The following SGCD variants were observed in gnomAD, a reference collection of about 807,000 sequenced individuals.
The protein encoded by SGCD is sarcoglycan delta, also known as delta-sarcoglycan.
In SGCD, 18 loss-of-function variants were observed where a neutral mutation model predicts 36.6. The ratio of observed to expected loss-of-function variants is 0.49; its 90% CI spans 0.34 to 0.73. The LOEUF is 0.73. Among genes scored for constraint, SGCD ranks in the 30% least tolerant of loss-of-function variants. The pLI is 0.01. For missense variants in SGCD, 387 were observed against 346.7 expected (o/e 1.12, Z -0.92); for synonymous variants, 133 against 130.6 (o/e 1.02, Z -0.12).
chr5:156,291,659 A>G (rs975053439), intron 3 of SGCD, among the ~76,000 whole-genome samples: 6 of 152,038 alleles, frequency 3.9e-5, no homozygotes, highest in Non-Finnish European at 8.8e-5. Context: ...GGGAAGGGAG[A>G]AACTAGCTAT....
intron 4 of SGCD, among the ~76,000 whole-genome samples, chr5:156,531,050 G>A (rs194145): frequency 0.12 from 18,657 of 152,176 alleles, 1,313 homozygotes; most frequent in Admixed American, 0.17. Flanking sequence ...ATTAAGAGGC[G>A]GGGCCTTTAG....
chr5:156,228,818 T>A (rs1343252558), intron 3 of SGCD, among the ~76,000 whole-genome samples: 1 of 152,130 alleles, frequency 6.6e-6, no homozygotes, highest in Non-Finnish European at 1.5e-5. Context: ...GATTTAGAGC[T>A]CCTTTTAGCC....
chr5:155,750,400 A>G, the SGCD span, among the ~76,000 whole-genome samples: 1 of 152,232 alleles, frequency 6.6e-6, no homozygotes, highest in Admixed American at 6.5e-5. Context: ...AACAGAGACC[A>G]GAGCCTGCAT....
intron 2 of SGCD, among the ~76,000 whole-genome samples, chr5:156,332,088 T>C (rs2127704428): frequency 6.6e-6 from 1 of 152,322 alleles, no homozygotes; most frequent in South Asian, 2.1e-4. Context: ...TAGGCCAGTG[T>C]CTGGACAGCA....
At chr5:156,728,261 C>A (rs1054369531) in intron 7 of SGCD, among the ~76,000 whole-genome samples, 1 of 151,994 alleles carries the variant, frequency 6.6e-6, no homozygotes, top group Non-Finnish European at 1.5e-5. Context: ...AGTAATGGTA[C>A]CTTCTTCCTC....
chr5:155,828,330 T>C, the SGCD span, among the ~76,000 whole-genome samples: 67 of 152,304 alleles, frequency 4.4e-4, no homozygotes, highest in Non-Finnish European at 8.5e-4. Flanking sequence ...AGCCAGAATT[T>C]AAACCCAGAG....
In SGCD at chr5:156,487,807, A is replaced by AAAAAAAAAAAAAAG. The variant is rs1561728598; in HGVS notation, c.193-20785_193-20784insAAAAGAAAAAAAAA. Among the ~76,000 whole-genome samples, 8 of 49,384 alleles carry AAAAAAAAAAAAAAG rather than the reference A, an allele frequency of 1.6e-4. 1 individual carries two copies. The highest frequency in any genetic ancestry group is 1.6e-4 in the Non-Finnish European group (3 of 19,282). The allele number at this position is 49,384 out of a possible 152,430, so 32.4% of individuals were successfully genotyped here. On this transcript the variant is annotated intron_variant, in intron 3 of 8. Transcript: ENST00000337851. ...TGTCACCAAAAAAAAAAAAAAAAAAAAAAAAAAAAGAAAGAAAGAAAAAGC... is the reference window on the plus strand; with the variant it reads ...TGTCACCAAAAAAAAAAAAAAAAAAAAAAAAAAAAAAAAGAAAAAAAAAGAAAGAAAGAAAAAGC...
intron 3 of SGCD, among the ~76,000 whole-genome samples, chr5:156,276,184 G>A (rs576409839): frequency 2.0e-5 from 3 of 152,080 alleles, no homozygotes; most frequent in Non-Finnish European, 4.4e-5. Context: ...AACACTAGGT[G>A]CATGGCAATT....
chr5:156,442,044 C>T (rs1753515308), intron 3 of SGCD, among the ~76,000 whole-genome samples: 1 of 152,120 alleles, frequency 6.6e-6, no homozygotes, highest in Non-Finnish European at 1.5e-5. Flanking sequence ...ACTTTGGCCT[C>T]AAATAATGGT....
chr5:156,420,646 G>A (rs1003676773), intron 3 of SGCD, among the ~76,000 whole-genome samples: 4 of 152,082 alleles, frequency 2.6e-5, no homozygotes, highest in Non-Finnish European at 4.4e-5. Flanking sequence ...GGGTGACCGT[G>A]CTCAGGTTTT....
chr5:156,633,595 G>T (rs924196158), intron 6 of SGCD, among the ~76,000 whole-genome samples: 5 of 152,154 alleles, frequency 3.3e-5, no homozygotes, highest in Non-Finnish European at 5.9e-5. Context: ...TACTAGGGTT[G>T]CAGTGAGCAT....
intron 3 of SGCD, among the ~76,000 whole-genome samples, chr5:156,425,291 C>T (rs976225253): frequency 1.3e-5 from 2 of 152,006 alleles, no homozygotes; most frequent in South Asian, 2.1e-4. Context: ...TCAGGATGTA[C>T]CCCTAAGCTT....
At chr5:156,357,882 A>G (rs2127727817) in intron 3 of SGCD, among the ~76,000 whole-genome samples, 1 of 152,280 alleles carries the variant, frequency 6.6e-6, no homozygotes, top group South Asian at 2.1e-4. Flanking sequence ...CAACCCCCCA[A>G]CTTTAGAATA....
intron 1 of SGCD, among the ~76,000 whole-genome samples, chr5:156,094,711 C>G (rs927285166): frequency 6.6e-6 from 1 of 152,082 alleles, no homozygotes; most frequent in Non-Finnish European, 1.5e-5. Context: ...AGATAGAAAT[C>G]TTGTTGCTTG....
chr5:155,745,626 A>G, the SGCD span, among the ~76,000 whole-genome samples: 1 of 151,944 alleles, frequency 6.6e-6, no homozygotes, highest in African/African-American at 2.4e-5. Flanking sequence ...TTTTGACAAC[A>G]CAGGATTAAG....
At chr5:156,107,630 C>G (rs1452480566) in intron 1 of SGCD, among the ~76,000 whole-genome samples, 2 of 152,082 alleles carry the variant, frequency 1.3e-5, no homozygotes, top group East Asian at 3.9e-4. Context: ...CCATGAAGCT[C>G]TCTGTTTTCC....
At chr5:156,415,129 G>T (rs2127772628) in intron 3 of SGCD, among the ~76,000 whole-genome samples, 1 of 152,010 alleles carries the variant, frequency 6.6e-6, no homozygotes, top group South Asian at 2.1e-4. Flanking sequence ...ATACAGTAAA[G>T]GTCTGTCTTT....
intron 3 of SGCD, among the ~76,000 whole-genome samples, chr5:156,355,617 TA>T (rs1769456080): frequency 6.6e-6 from 1 of 152,182 alleles, no homozygotes; most frequent in African/African-American, 2.4e-5. Context: ...AGATGATACA[TA>T]AGGTCCAACA....
intron 3 of SGCD, among the ~76,000 whole-genome samples, chr5:156,427,853 A>G (rs1351956482): frequency 6.6e-6 from 1 of 152,130 alleles, no homozygotes; most frequent in Non-Finnish European, 1.5e-5. Context: ...TGACTTGCAT[A>G]TGCTAAACCA....
Sources: gnomAD v4.1 joint callset for allele counts (sites outside exome capture counted in the v4.1 genomes callset) on GRCh38, gnomAD v4.1.1 for gene constraint, MANE v1.5 for transcripts, NCBI Gene and HGNC (gene_info 2026-07-23, HGNC 2026-07-21) for gene names.